MEI4: variants seen among roughly 807,000 people sequenced by gnomAD.
MEI4 encodes meiotic double-stranded break formation protein 4, also known as meiosis-specific protein MEI4.
In MEI4, 27 loss-of-function variants were observed where a neutral mutation model predicts 31.4. That is an observed-to-expected ratio of 0.86 (90% CI 0.63 to 1.19). The LOEUF is 1.19. Among genes scored for constraint, MEI4 ranks in the 50% most tolerant of loss-of-function variants. The pLI, the probability that MEI4 is intolerant of heterozygous loss-of-function variation, is 0.00. For missense variants in MEI4, 329 were observed against 398.9 expected (o/e 0.82, Z 1.49); for synonymous variants, 122 against 145.4 (o/e 0.84, Z 1.16).
At chr6:77,741,979 A>G (rs1352582396) in intron 2 of MEI4, among the ~76,000 whole-genome samples, 1 of 151,956 alleles carries the variant, frequency 6.6e-6, no homozygotes, top group Non-Finnish European at 1.5e-5. Flanking sequence ...ATAGTACTCC[A>G]TGGTGTATAT....
chr6:77,691,397 TAC>T (rs1769155178), intron 2 of MEI4, among the ~76,000 whole-genome samples: 2 of 151,948 alleles, frequency 1.3e-5, no homozygotes, highest in African/African-American at 4.8e-5. Context: ...ACTGACAAAA[TAC>T]AGAGGAGGAA....
chr6:77,899,064 G>A (rs1164239908), intron 4 of MEI4, among the ~76,000 whole-genome samples: 1 of 151,896 alleles, frequency 6.6e-6, no homozygotes, highest in Non-Finnish European at 1.5e-5. Context: ...TCATTCTCAA[G>A]CTTACAAAGA....
At chr6:77,807,326 A>T (rs1227863205) in intron 3 of MEI4, among the ~76,000 whole-genome samples, 1 of 152,154 alleles carries the variant, frequency 6.6e-6, no homozygotes, top group East Asian at 1.9e-4. Flanking sequence ...TTTGAGAAAT[A>T]GAATTAGCTG....
At chr6:77,809,670 G>A (rs183851189) in intron 3 of MEI4, among the ~76,000 whole-genome samples, 1 of 152,244 alleles carries the variant, frequency 6.6e-6, no homozygotes, top group African/African-American at 2.4e-5. Context: ...ATGAGGCTGA[G>A]AATTCTGTCT....
chr6:77,752,782 A>C (rs1561975053), intron 2 of MEI4, among the ~76,000 whole-genome samples: 1 of 151,974 alleles, frequency 6.6e-6, no homozygotes, highest in Non-Finnish European at 1.5e-5. Flanking sequence ...GGAACCAAAG[A>C]AGAGCCCACA....
intron 2 of MEI4, among the ~76,000 whole-genome samples, chr6:77,735,860 C>A (rs953900682): frequency 1.3e-5 from 2 of 152,026 alleles, no homozygotes; most frequent in Non-Finnish European, 2.9e-5. Flanking sequence ...ACAGACAGGA[C>A]CCTCAGCTGC....
intron 1 of MEI4, among the ~76,000 whole-genome samples, chr6:77,665,790 G>GAAGA (rs1414160340): frequency 1.3e-5 from 2 of 152,130 alleles, no homozygotes; most frequent in African/African-American, 4.8e-5. Context: ...AGAGTGGAAA[G>GAAGA]AAGAAAGTGG....
intron 1 of MEI4, among the ~76,000 whole-genome samples, chr6:77,660,043 A>AT (rs199717746): frequency 0.01 from 1,528 of 152,292 alleles, 25 homozygotes; most frequent in African/African-American, 0.035. Flanking sequence ...TAGAAAGTAA[A>AT]TGAGTTCTTC....
chr6:77,835,403 C>CAAAA (rs377494636), intron 4 of MEI4, among the ~76,000 whole-genome samples: 5 of 91,862 alleles, frequency 5.4e-5, no homozygotes, highest in Admixed American at 1.2e-4. Flanking sequence ...CACACACACA[C>CAAAA]AAATAAAAAA....
chr6:77,903,930 T>C (rs1200761011), intron 4 of MEI4, among the ~76,000 whole-genome samples: 1 of 152,164 alleles, frequency 6.6e-6, no homozygotes, highest in Non-Finnish European at 1.5e-5. Context: ...CCACTTTCAG[T>C]GTATTTGTGT....
At chr6:77,763,937 C>T (rs1001994194) in intron 3 of MEI4, among the ~76,000 whole-genome samples, 9 of 152,126 alleles carry the variant, frequency 5.9e-5, no homozygotes, top group African/African-American at 2.2e-4. Context: ...CCTCAGCCTC[C>T]CTAGTAACTG....
intron 1 of MEI4, 21 bp from the exon 2 acceptor site, chr6:77,690,637 T>A (rs1769141089): frequency 8.7e-7 from 1 of 1,145,026 alleles, no homozygotes; most frequent in Non-Finnish European, 1.1e-6. Flanking sequence ...TTTCTATAAC[T>A]TTTTTCTTAT....
chr6:77,836,268 G>A (rs372302475), intron 4 of MEI4, among the ~76,000 whole-genome samples: 7 of 151,958 alleles, frequency 4.6e-5, no homozygotes, highest in Admixed American at 1.3e-4. Flanking sequence ...ATGTTTCTGC[G>A]TACAGTAGCC....
intron 2 of MEI4, among the ~76,000 whole-genome samples, chr6:77,741,605 CTG>C (rs1458795357): frequency 6.6e-6 from 1 of 151,994 alleles, no homozygotes; most frequent in Admixed American, 6.6e-5. Context: ...CAACATCATT[CTG>C]TGTGTTTTTT....
intron 4 of MEI4, among the ~76,000 whole-genome samples, chr6:77,884,726 T>C (rs913114296): frequency 1.2e-4 from 19 of 152,204 alleles, no homozygotes; most frequent in Non-Finnish European, 2.2e-4. Context: ...CCCGTTTTTA[T>C]ACCAATACCA....
At chr6:77,671,473 G>T (rs910490550) in intron 1 of MEI4, among the ~76,000 whole-genome samples, 1 of 152,014 alleles carries the variant, frequency 6.6e-6, no homozygotes, top group Admixed American at 6.6e-5. Context: ...CGTGAAATAT[G>T]ATTATAAAAT....
intron 2 of MEI4, among the ~76,000 whole-genome samples, chr6:77,733,465 G>T (rs1222223711): frequency 6.6e-6 from 1 of 151,982 alleles, no homozygotes; most frequent in African/African-American, 2.4e-5. Context: ...TGTGTGATCG[G>T]TGGTGGTATC....
chr6:77,854,073 G>A (rs191354661), intron 4 of MEI4, among the ~76,000 whole-genome samples: 176 of 152,152 alleles, frequency 1.2e-3, no homozygotes, highest in Middle Eastern at 6.9e-3. Context: ...TTAAAAATAA[G>A]CCATATGGTT....
intron 4 of MEI4, 77 bp downstream of exon 4, chr6:77,829,139 T>C (rs1770021550): frequency 3.8e-6 from 4 of 1,064,950 alleles, no homozygotes; most frequent in Non-Finnish European, 4.8e-6. Context: ...CCCTTCTTTC[T>C]TCTCTTCTTT....
Sources: gnomAD v4.1 joint callset for allele counts (sites outside exome capture counted in the v4.1 genomes callset) on GRCh38, gnomAD v4.1.1 for gene constraint, MANE v1.5 for transcripts, NCBI Gene and HGNC (gene_info 2026-07-23, HGNC 2026-07-21) for gene names.